Variants in MAPK8 observed in about 807,000 individuals in gnomAD.
The protein encoded by MAPK8 is mitogen-activated protein kinase 8, also known as JUN N-terminal kinase.
In MAPK8, 13 loss-of-function variants were observed where a neutral mutation model predicts 52.9. The observed-to-expected ratio is 0.25, with a 90% CI of 0.16 to 0.39. The LOEUF (loss-of-function observed/expected upper bound fraction) is 0.39, where lower values mean the gene tolerates loss of function less well. Among genes scored for constraint, MAPK8 ranks in the 10% least tolerant of loss-of-function variants. The pLI, the probability that MAPK8 is intolerant of heterozygous loss-of-function variation, is 1.00. For missense variants in MAPK8, 300 were observed against 519.2 expected, an observed-to-expected ratio of 0.58 and a Z score of 4.10; for synonymous variants, 191 against 169.8, an observed-to-expected ratio of 1.12 and a Z score of -0.97.
chr10:48,341,525 G>A (rs1423807236), intron 1 of MAPK8, among the ~76,000 whole-genome samples: 1 of 152,142 alleles, frequency 6.6e-6, no homozygotes, highest in Non-Finnish European at 1.5e-5. Context: ...ACACTTTTTG[G>A]TTACAAGCAT....
At position 48,435,109 on chromosome 10, in the gene MAPK8, T is replaced by C; in HGVS notation, c.*80T>C. The C allele has an allele frequency of 9.1e-7, 1 of 1,101,572 alleles. No homozygotes were observed. Among genetic ancestry groups the C allele is most frequent in the Non-Finnish European group, 1.2e-6 (1 of 819,122 alleles). 68.2% of individuals were successfully genotyped at this position (1,101,572 alleles called of 1,614,324 possible). The stretch of plus-strand genomic sequence containing the variant: ...AACTACTTTGAAAACAATTCAGTGG[T>C]CTTATTTTTGGGTGATTTTTCAAAA... On this transcript the variant is annotated 3_prime_UTR_variant, in exon 12 of 12. Coordinates refer to ENST00000374189, the MANE Select transcript of MAPK8 (RefSeq NM_001323329.2).
chr10:48,416,976 A>G (rs535358822), intron 5 of MAPK8, among the ~76,000 whole-genome samples: 2 of 152,310 alleles, frequency 1.3e-5, no homozygotes, highest in African/African-American at 2.4e-5. Context: ...TTTTAAGGCC[A>G]TCCTTCTCAG....
At chr10:48,344,044 G>T (rs905873370) in intron 1 of MAPK8, among the ~76,000 whole-genome samples, 4 of 152,158 alleles carry the variant, frequency 2.6e-5, no homozygotes, top group Non-Finnish European at 5.9e-5. Flanking sequence ...AACATTTTTG[G>T]TGTACCTCCA....
intron 1 of MAPK8, among the ~76,000 whole-genome samples, chr10:48,381,252 ATTTT>A (rs1164894272): frequency 1.3e-5 from 2 of 152,034 alleles, no homozygotes; most frequent in Non-Finnish European, 2.9e-5. Flanking sequence ...TTACAATTTT[ATTTT>A]TTCTTTCTCC....
intron 6 of MAPK8, among the ~76,000 whole-genome samples, chr10:48,422,511 A>C (rs771419278): frequency 2.6e-4 from 39 of 152,370 alleles, no homozygotes; most frequent in Non-Finnish European, 4.3e-4. Flanking sequence ...CCCAGATAAT[A>C]TCTTCTCTCA....
intron 5 of MAPK8, among the ~76,000 whole-genome samples, chr10:48,412,756 A>G (rs1033518381): frequency 7.2e-5 from 11 of 152,206 alleles, no homozygotes; most frequent in African/African-American, 2.7e-4. Context: ...TGCTGGAAAT[A>G]TTTCCCAATG....
chr10:48,353,209 G>C (rs1055241405), intron 1 of MAPK8, among the ~76,000 whole-genome samples: 1 of 152,094 alleles, frequency 6.6e-6, no homozygotes, highest in Non-Finnish European at 1.5e-5. Context: ...ATTTCAGCAG[G>C]TTCTTTTTGT....
intron 1 of MAPK8, among the ~76,000 whole-genome samples, chr10:48,357,928 A>G (rs1847136318): frequency 6.6e-6 from 1 of 152,012 alleles, no homozygotes; most frequent in African/African-American, 2.4e-5. Flanking sequence ...TCTTTTTTGG[A>G]TATTTCATGT....
intron 5 of MAPK8, among the ~76,000 whole-genome samples, chr10:48,414,999 A>G (rs1027473496): frequency 6.6e-6 from 1 of 152,146 alleles, no homozygotes; most frequent in Non-Finnish European, 1.5e-5. Flanking sequence ...ACAGTATAAG[A>G]CAATTATGTC....
rs2044846290 is a variant in MAPK8 at position 48,436,296 on chromosome 10, C to T, written c.*1267C>T. 1 of 152,150 alleles carries T rather than the reference C, an allele frequency of 6.6e-6. No individual in the cohort carries two copies. The highest frequency in any genetic ancestry group is 1.5e-5 in the Non-Finnish European group (1 of 68,036). The allele number at this position is 152,150 out of a possible 1,614,324, so 9.4% of individuals were successfully genotyped here. ...TATACCTGATTTTCAACATAACACG[C>T]AATGTGGATGTCGAGTAGTGTTAAG... On this transcript the variant is annotated 3_prime_UTR_variant, in exon 12 of 12. Transcript: ENST00000374189.
At chr10:48,365,672 T>C (rs1480535941) in intron 1 of MAPK8, among the ~76,000 whole-genome samples, 1 of 152,170 alleles carries the variant, frequency 6.6e-6, no homozygotes, top group Non-Finnish European at 1.5e-5. Flanking sequence ...TATTCATTTG[T>C]CTATAAAGAA....
At chr10:48,383,325 G>A (rs567942492) in intron 1 of MAPK8, among the ~76,000 whole-genome samples, 1 of 152,278 alleles carries the variant, frequency 6.6e-6, no homozygotes, top group African/African-American at 2.4e-5. Flanking sequence ...ACTCTCTAGG[G>A]TTTCAGCTGA....
intron 1 of MAPK8, among the ~76,000 whole-genome samples, chr10:48,335,774 A>T (rs749680636): frequency 2.0e-5 from 3 of 152,210 alleles, no homozygotes; most frequent in Non-Finnish European, 4.4e-5. Flanking sequence ...TTCCCATTTC[A>T]TCATAACAGA....
chr10:48,366,111 C>G (rs1332633672), intron 1 of MAPK8, among the ~76,000 whole-genome samples: 2 of 151,742 alleles, frequency 1.3e-5, no homozygotes, highest in Admixed American at 1.3e-4. Context: ...GAAAAGAACC[C>G]TAGGTATATT....
At chr10:48,310,970 G>T (rs1025325930) in intron 1 of MAPK8, among the ~76,000 whole-genome samples, 1 of 150,516 alleles carries the variant, frequency 6.6e-6, no homozygotes, top group African/African-American at 2.5e-5. Context: ...TGCTAGCGTG[G>T]GTTTTAAGGT....
intron 1 of MAPK8, among the ~76,000 whole-genome samples, chr10:48,388,481 G>A (rs1401848727): frequency 6.6e-6 from 1 of 152,086 alleles, no homozygotes; most frequent in African/African-American, 2.4e-5. Flanking sequence ...TGCCCCTCTA[G>A]GCTGGTGGTT....
chr10:48,415,321 C>T (rs1284565078), intron 5 of MAPK8, among the ~76,000 whole-genome samples: 1 of 152,088 alleles, frequency 6.6e-6, no homozygotes, highest in Non-Finnish European at 1.5e-5. Context: ...TAGTAAAGCA[C>T]ACCCCTCCAA....
At chr10:48,370,485 G>A (rs1848442888) in intron 1 of MAPK8, among the ~76,000 whole-genome samples, 1 of 152,128 alleles carries the variant, frequency 6.6e-6, no homozygotes, top group African/African-American at 2.4e-5. Context: ...CTGACTAATG[G>A]AACATGGAAT....
At chr10:48,341,875 A>T (rs1405824909) in intron 1 of MAPK8, among the ~76,000 whole-genome samples, 3 of 152,228 alleles carry the variant, frequency 2.0e-5, no homozygotes, top group African/African-American at 7.2e-5. Context: ...GCTCAATAGT[A>T]AGGAGAAGGA....
Sources: gnomAD v4.1 joint callset for allele counts (sites outside exome capture counted in the v4.1 genomes callset) on GRCh38, gnomAD v4.1.1 for gene constraint, MANE v1.5 for transcripts, NCBI Gene and HGNC (gene_info 2026-07-23, HGNC 2026-07-21) for gene names.